Variants in RAPGEF4 observed in about 807,000 individuals in gnomAD.
The protein encoded by RAPGEF4 is RAP guanine-nucleotide-exchange factor (GEF) 4.
In RAPGEF4, 66 loss-of-function variants were observed where a neutral mutation model predicts 147.9. The observed-to-expected ratio is 0.45, with a 90% CI of 0.37 to 0.55. The LOEUF is 0.55. Ranked by LOEUF, RAPGEF4 falls within the 20% of genes least tolerant of loss-of-function variation. The pLI is 0.00. For missense variants in RAPGEF4, 1,071 were observed against 1,257.3 expected, an observed-to-expected ratio of 0.85 and a Z score of 2.24; for synonymous variants, 419 against 442.7, an observed-to-expected ratio of 0.95 and a Z score of 0.67.
intron 2 of RAPGEF4, 113 bp from the exon 3 acceptor site, chr2:172,797,412 G>A: frequency 1.4e-6 from 1 of 716,844 alleles, no homozygotes; most frequent in Non-Finnish European, 2.4e-6. Flanking sequence ...ATAGGGGAAG[G>A]GTGGTAAGCT....
rs368966604 is a variant in RAPGEF4, at chr2:172,776,516, C to T, written c.66-18509C>T. Among the ~76,000 whole-genome samples, 95 of 151,854 alleles carry T rather than the reference C, an allele frequency of 6.3e-4. No homozygotes were observed. The South Asian group carries it at 0.017, about 27-fold the overall frequency. ...TCCATTATTTCTTTAAATTTTTTTC[C>T]CCTCCATTTTGTCTCTCTTCTTCTT... is the stretch of plus-strand genomic sequence containing the variant. On this transcript the variant is annotated intron_variant, in intron 1 of 30. Coordinates refer to ENST00000397081, the MANE Select transcript of RAPGEF4 (RefSeq NM_007023.4).
rs57719631 is a variant in RAPGEF4, at chr2:172,817,875, G to GAT, written c.444+3471_444+3472dup. Among the ~76,000 whole-genome samples the GAT allele has an allele frequency of 7.9e-3, 1,128 of 143,002 alleles. 15 individuals are homozygous for GAT. Among genetic ancestry groups the GAT allele is most frequent in the African/African-American group, 0.027 (1,048 of 38,964 alleles). The allele number at this position is 143,002 out of a possible 152,430, so 93.8% of individuals were successfully genotyped here. The stretch of plus-strand genomic sequence containing the variant: ...TTCAATGAGTGGATAAAGAAATTGT[G>GAT]ATATATATATATATATATATATCAC... On this transcript the variant is annotated intron_variant, in intron 4 of 30. Coordinates refer to ENST00000397081, the MANE Select transcript of RAPGEF4 (RefSeq NM_007023.4).
At chr2:172,965,971 T>C (rs997517847) in intron 9 of RAPGEF4, among the ~76,000 whole-genome samples, 2 of 152,242 alleles carry the variant, frequency 1.3e-5, no homozygotes, top group Non-Finnish European at 2.9e-5. Context: ...TCACGGTTCA[T>C]TGATAGCGTG....
chr2:172,773,442 T>TTGC (rs1264199907), intron 1 of RAPGEF4, among the ~76,000 whole-genome samples: 1 of 152,172 alleles, frequency 6.6e-6, no homozygotes. Context: ...ATTTTTCGTT[T>TTGC]TGCTGCTAAC....
At chr2:172,750,263 G>A (rs1473442212) in intron 1 of RAPGEF4, among the ~76,000 whole-genome samples, 1 of 151,960 alleles carries the variant, frequency 6.6e-6, no homozygotes, top group Admixed American at 6.6e-5. Flanking sequence ...AGACATATCC[G>A]AGACTGGTTA....
intron 4 of RAPGEF4, among the ~76,000 whole-genome samples, chr2:172,826,715 C>A (rs569624774): frequency 7.2e-5 from 11 of 152,156 alleles, no homozygotes; most frequent in African/African-American, 2.7e-4. Flanking sequence ...GCCTGTAATC[C>A]CAGCACTTTG....
At chr2:172,935,539 A>T (rs1008474543) in intron 6 of RAPGEF4, among the ~76,000 whole-genome samples, 1 of 152,230 alleles carries the variant, frequency 6.6e-6, no homozygotes, top group African/African-American at 2.4e-5. Context: ...GCCCCCTTCG[A>T]TTGATGTACT....
intron 3 of RAPGEF4, among the ~76,000 whole-genome samples, chr2:172,805,205 G>A (rs915291145): frequency 6.6e-6 from 1 of 152,150 alleles, no homozygotes; most frequent in Non-Finnish European, 1.5e-5. Flanking sequence ...AGACTGGAGG[G>A]GAGACAATGG....
At chr2:172,915,349 T>C (rs537858614) in intron 4 of RAPGEF4, among the ~76,000 whole-genome samples, 2 of 152,178 alleles carry the variant, frequency 1.3e-5, no homozygotes, top group South Asian at 4.1e-4. Context: ...GGTTTTATTT[T>C]GGGAAAAAGG....
intron 17 of RAPGEF4, among the ~76,000 whole-genome samples, chr2:173,005,086 T>G (rs1694295520): frequency 6.7e-6 from 1 of 149,606 alleles, no homozygotes; most frequent in African/African-American, 2.5e-5. Flanking sequence ...AGCCTCTACC[T>G]ATTGGATATT....
intron 25 of RAPGEF4, among the ~76,000 whole-genome samples, chr2:173,028,203 A>C (rs975584988): frequency 6.6e-6 from 1 of 152,254 alleles, no homozygotes; most frequent in Non-Finnish European, 1.5e-5. Context: ...AAAAGCTGCT[A>C]TCTGTTAATA....
intron 4 of RAPGEF4, among the ~76,000 whole-genome samples, chr2:172,901,619 G>A (rs1559108286): frequency 6.6e-6 from 1 of 152,222 alleles, no homozygotes; most frequent in Non-Finnish European, 1.5e-5. Context: ...TTTATTGTGT[G>A]CCTGTGTTGT....
Position 173,002,132 on chromosome 2 carries a change from G to A in RAPGEF4, c.1658+788G>A, listed in dbSNP as rs144861267. Reference sequence around the variant, plus strand: ...TCCCTGGCAGGGTGGACTGTGGTCGGCTTGTGTTCCTCCTCCGAGCTATGG... The same window carrying A: ...TCCCTGGCAGGGTGGACTGTGGTCGACTTGTGTTCCTCCTCCGAGCTATGG... On this transcript the variant is annotated intron_variant, in intron 17 of 30. Coordinates refer to ENST00000397081, the MANE Select transcript of RAPGEF4 (RefSeq NM_007023.4). Among the ~76,000 whole-genome samples, 7 of 152,220 alleles carry A rather than the reference G, an allele frequency of 4.6e-5. No individual in the cohort carries two copies. The East Asian group carries it at 1.4e-3, about 29-fold the overall frequency.
chr2:172,775,538 T>C (rs1684077506), intron 1 of RAPGEF4, among the ~76,000 whole-genome samples: 1 of 152,198 alleles, frequency 6.6e-6, no homozygotes, highest in Non-Finnish European at 1.5e-5. Context: ...CAGTGAGGCA[T>C]ATTGGAAATT....
chr2:172,987,888 A>G (rs1179233687), intron 12 of RAPGEF4, among the ~76,000 whole-genome samples: 1 of 152,204 alleles, frequency 6.6e-6, no homozygotes, highest in Non-Finnish European at 1.5e-5. Flanking sequence ...CCATTTTTCT[A>G]TGGGATAAGT....
chr2:172,804,395 A>G (rs902290813), intron 3 of RAPGEF4, among the ~76,000 whole-genome samples: 4 of 152,154 alleles, frequency 2.6e-5, no homozygotes, highest in Admixed American at 2.0e-4. Context: ...CTTATTTTTC[A>G]TCAGCAATAT....
rs536294578 is a variant in RAPGEF4 at position 172,879,313 on chromosome 2, A to G, written c.445-38489A>G. Among the ~76,000 whole-genome samples the G allele has an allele frequency of 5.9e-5, 9 of 152,332 alleles. No homozygotes were observed. The East Asian group carries it at 1.5e-3, about 26-fold the overall frequency. ...GCCCAAGCAGGAAGCTGCAGGGACA[A>G]TACATATGATTATGATTCCATTCAT... On this transcript the variant is annotated intron_variant, in intron 4 of 30. Coordinates refer to ENST00000397081, the MANE Select transcript of RAPGEF4 (RefSeq NM_007023.4).
At chr2:172,811,820 C>T (rs945233195) in intron 3 of RAPGEF4, among the ~76,000 whole-genome samples, 4 of 152,182 alleles carry the variant, frequency 2.6e-5, no homozygotes, top group African/African-American at 9.7e-5. Flanking sequence ...ATTAGTTCTG[C>T]TAAGTGAGAG....
At chr2:172,899,316 C>T (rs1698832102) in intron 4 of RAPGEF4, among the ~76,000 whole-genome samples, 1 of 152,152 alleles carries the variant, frequency 6.6e-6, no homozygotes, top group Admixed American at 6.5e-5. Flanking sequence ...AGTTGGGTTT[C>T]TAGATTGCAG....
Sources: gnomAD v4.1 joint callset for allele counts (sites outside exome capture counted in the v4.1 genomes callset) on GRCh38, gnomAD v4.1.1 for gene constraint, MANE v1.5 for transcripts, NCBI Gene and HGNC (gene_info 2026-07-23, HGNC 2026-07-21) for gene names.